The following FBXL13 variants were observed in gnomAD, a reference collection of about 807,000 sequenced individuals.
FBXL13 encodes the protein F-box and leucine rich repeat protein 13.
In FBXL13, 67 loss-of-function variants were observed where a neutral mutation model predicts 83.6. The ratio of observed to expected loss-of-function variants is 0.80; its 90% CI spans 0.66 to 0.98. FBXL13 has a LOEUF of 0.98. FBXL13 is among the 50% of genes least tolerant of loss of function. The probability of loss-of-function intolerance (pLI) is 0.00; values close to 1 mark genes in which losing one functional copy is unlikely to be tolerated. For synonymous variants in FBXL13, 272 were observed against 299.5 expected, an observed-to-expected ratio of 0.91 and a Z score of 0.95; for missense variants, 822 against 866.5, an observed-to-expected ratio of 0.95 and a Z score of 0.64.
intron 6 of FBXL13, among the ~76,000 whole-genome samples, chr7:102,989,411 G>A (rs537266618): frequency 1.3e-5 from 2 of 152,174 alleles, no homozygotes; most frequent in African/African-American, 4.8e-5. Context: ...TAATGGAGAC[G>A]TTTCATTGCC....
At chr7:103,003,288 T>TG (rs1563205941) in intron 6 of FBXL13, among the ~76,000 whole-genome samples, 13 of 125,246 alleles carry the variant, frequency 1.0e-4, no homozygotes, top group African/African-American at 3.6e-4. Context: ...GTTTTTTTTT[T>TG]TTTTTTTTTT....
At position 102,918,732 on chromosome 7, in the gene FBXL13, G is replaced by A. The variant is rs901349758; in HGVS notation, c.879-5517C>T. Reference sequence around the variant, plus strand: ...CTATCATCACACTATGTAGCTGGGTGTAGCCTGGGTGAAAGAGCAAGGCCC... The same window carrying A: ...CTATCATCACACTATGTAGCTGGGTATAGCCTGGGTGAAAGAGCAAGGCCC... On this transcript the variant is annotated intron_variant, in intron 10 of 19. Coordinates refer to ENST00000313221, the Ensembl canonical transcript of FBXL13. Among the ~76,000 whole-genome samples the A allele has an allele frequency of 2.6e-5, 4 of 152,172 alleles. No individual in the cohort carries two copies. In the East Asian group the frequency reaches 7.7e-4, roughly 29 times the overall value.
intron 10 of FBXL13, among the ~76,000 whole-genome samples, chr7:102,917,136 T>G (rs577474677): frequency 6.6e-6 from 1 of 152,328 alleles, no homozygotes; most frequent in African/African-American, 2.4e-5. Context: ...GTAATAGAAT[T>G]CTGCAGAAAA....
chr7:102,883,235 C>T (rs1810350679), intron 14 of FBXL13, 70 bp downstream of exon 15: 1 of 1,434,498 alleles, frequency 7.0e-7, no homozygotes, highest in South Asian at 1.4e-5. Flanking sequence ...ACCATAAGTT[C>T]CTTAGGAGAG....
At chr7:102,832,346 C>T (rs1212139581) in intron 18 of FBXL13, among the ~76,000 whole-genome samples, 1 of 152,218 alleles carries the variant, frequency 6.6e-6, no homozygotes, top group Non-Finnish European at 1.5e-5. Context: ...ATACCATTTA[C>T]TGTCCACTAA....
intron 1 of FBXL13, among the ~76,000 whole-genome samples, chr7:103,068,644 G>C (rs1001766176): frequency 1.3e-5 from 2 of 152,184 alleles, no homozygotes; most frequent in Admixed American, 6.5e-5. Context: ...GGGTAGGAAA[G>C]AGGACAGGGC....
At chr7:103,044,281 A>C (rs1031680321) in intron 2 of FBXL13, among the ~76,000 whole-genome samples, 1 of 152,192 alleles carries the variant, frequency 6.6e-6, no homozygotes, top group Non-Finnish European at 1.5e-5. Context: ...CCATTACAAG[A>C]GATGTTAGAT....
intron 6 of FBXL13, among the ~76,000 whole-genome samples, chr7:103,015,538 C>A (rs575052695): frequency 6.6e-6 from 1 of 152,216 alleles, no homozygotes; most frequent in South Asian, 2.1e-4. Flanking sequence ...TGGCTCATGG[C>A]GGTAATCCCA....
At chr7:103,005,301 G>T (rs1790867391) in intron 6 of FBXL13, among the ~76,000 whole-genome samples, 1 of 152,162 alleles carries the variant, frequency 6.6e-6, no homozygotes, top group Admixed American at 6.5e-5. Flanking sequence ...AGAGGGTAGG[G>T]ACATCAGAAA....
intron 18 of FBXL13, among the ~76,000 whole-genome samples, chr7:102,830,963 A>T (rs1010078285): frequency 2.0e-5 from 3 of 152,206 alleles, no homozygotes; most frequent in Admixed American, 6.5e-5. Context: ...TTAAGAGTGG[A>T]GGACTAAAAA....
At chr7:102,962,599 T>C (rs1334638105) in intron 8 of FBXL13, among the ~76,000 whole-genome samples, 1 of 152,078 alleles carries the variant, frequency 6.6e-6, no homozygotes, top group East Asian at 1.9e-4. Flanking sequence ...CCAACAATGA[T>C]AGACTGGATT....
chr7:102,854,804 A>C, exon 17 of FBXL13: 1 of 1,589,700 alleles, frequency 6.3e-7, no homozygotes, highest in Middle Eastern at 1.7e-4. Flanking sequence ...TGATTCTATA[A>C]CATTCAGATA....
chr7:102,984,674 T>G (rs535472979), intron 6 of FBXL13, among the ~76,000 whole-genome samples: 1 of 152,208 alleles, frequency 6.6e-6, no homozygotes, highest in Non-Finnish European at 1.5e-5. Context: ...AGATAACAAT[T>G]GTATGGAGAT....
intron 1 of FBXL13, among the ~76,000 whole-genome samples, chr7:103,061,439 G>A (rs780519666): frequency 3.3e-5 from 5 of 152,150 alleles, no homozygotes; most frequent in Non-Finnish European, 7.4e-5. Context: ...GGAACTACAC[G>A]TGTAAACTGC....
intron 18 of FBXL13, among the ~76,000 whole-genome samples, chr7:102,829,577 C>G (rs1800297318): frequency 1.3e-5 from 2 of 152,288 alleles, no homozygotes; most frequent in Non-Finnish European, 2.9e-5. Context: ...AACCACAGGG[C>G]CTAGTGCACT....
intron 6 of FBXL13, among the ~76,000 whole-genome samples, chr7:102,982,478 A>G (rs960536192): frequency 2.0e-5 from 3 of 152,092 alleles, no homozygotes; most frequent in Non-Finnish European, 4.4e-5. Flanking sequence ...GTACTCTCCC[A>G]TCGTTGGCAC....
chr7:103,021,598 A>G (rs1251796582), intron 6 of FBXL13, among the ~76,000 whole-genome samples: 2 of 152,240 alleles, frequency 1.3e-5, no homozygotes, highest in African/African-American at 4.8e-5. Flanking sequence ...GCAAAGGGCT[A>G]ATATCCAGAA....
chr7:102,828,167 C>T (rs1800065856), intron 18 of FBXL13, among the ~76,000 whole-genome samples: 2 of 152,154 alleles, frequency 1.3e-5, no homozygotes, highest in South Asian at 2.1e-4. Flanking sequence ...TATAAATTAC[C>T]TTGGGCAGTA....
At chr7:102,863,644 A>C (rs999140840) in intron 16 of FBXL13, among the ~76,000 whole-genome samples, 5 of 152,174 alleles carry the variant, frequency 3.3e-5, no homozygotes, top group Non-Finnish European at 5.9e-5. Flanking sequence ...AACAAAAACA[A>C]AGATTCCAAA....
Sources: gnomAD v4.1 joint callset for allele counts (sites outside exome capture counted in the v4.1 genomes callset) on GRCh38, gnomAD v4.1.1 for gene constraint, MANE v1.5 for transcripts, NCBI Gene and HGNC (gene_info 2026-07-23, HGNC 2026-07-21) for gene names.